The following SAFB2 variants were observed in gnomAD, a reference collection of about 807,000 sequenced individuals.
SAFB2 encodes scaffold attachment factor B2.
SAFB2 carries 32 observed loss-of-function variants against 100.6 expected under a neutral mutation model. The observed-to-expected ratio is 0.32, with a 90% confidence interval of 0.24 to 0.43. The LOEUF is 0.43. SAFB2 is among the 20% of genes least tolerant of loss of function. The probability of loss-of-function intolerance (pLI) is 1.00; values close to 1 mark genes in which losing one functional copy is unlikely to be tolerated. For synonymous variants in SAFB2, 500 were observed against 439.4 expected, an observed-to-expected ratio of 1.14 and a Z score of -1.72; for missense variants, 1,185 against 1,163.4, an observed-to-expected ratio of 1.02 and a Z score of -0.27.
chr19:5,600,558 T>C (rs1031315805), intron 11 of SAFB2, among the ~76,000 whole-genome samples: 8 of 152,202 alleles, frequency 5.3e-5, no homozygotes, highest in African/African-American at 1.9e-4. Context: ...CAGGTGGACA[T>C]GAGAAACACG....
intron 9 of SAFB2, among the ~76,000 whole-genome samples, chr19:5,609,300 CTTTTTTTTTTT>C: frequency 8.4e-6 from 1 of 118,864 alleles, no homozygotes; most frequent in South Asian, 2.9e-4. Flanking sequence ...TCACTTCATT[CTTTTTTTTTTT>C]TTTTTTTTTT....
chr19:5,602,841 T>C (rs2052692089), intron 11 of SAFB2, among the ~76,000 whole-genome samples: 1 of 152,126 alleles, frequency 6.6e-6, no homozygotes, highest in Admixed American at 6.6e-5. Flanking sequence ...AATACAGACA[T>C]TTTTTTCTTA....
At chr19:5,591,223 T>C (rs2052393110) in intron 17 of SAFB2, 1 of 152,808 alleles carries the variant, frequency 6.5e-6, no homozygotes, top group Non-Finnish European at 1.5e-5. Context: ...GCCCAACATA[T>C]TTGAAAATGA....
chr19:5,588,309 A>T (rs2052309430), intron 18 of SAFB2, among the ~76,000 whole-genome samples: 1 of 152,114 alleles, frequency 6.6e-6, no homozygotes, highest in Non-Finnish European at 1.5e-5. Context: ...TGCTGGTGGA[A>T]ATGTAAAATG....
At chr19:5,594,705 A>C (rs1356803073) in intron 14 of SAFB2, among the ~76,000 whole-genome samples, 1 of 152,144 alleles carries the variant, frequency 6.6e-6, no homozygotes, top group African/African-American at 2.4e-5. Context: ...GTCCAACATC[A>C]GAGGAGGGGC....
At chr19:5,593,375 C>G (rs1266703499) in intron 15 of SAFB2, among the ~76,000 whole-genome samples, 1 of 152,204 alleles carries the variant, frequency 6.6e-6, no homozygotes, top group Non-Finnish European at 1.5e-5. Flanking sequence ...TACCAGAAAA[C>G]TAGGCTCACG....
intron 6 of SAFB2, chr19:5,611,834 A>G: frequency 4.3e-6 from 3 of 704,594 alleles, no homozygotes; most frequent in East Asian, 5.5e-5. Context: ...TCTACGCTAC[A>G]CGGAAGAGAA....
chr19:5,600,646 G>A (rs889192164), intron 11 of SAFB2, among the ~76,000 whole-genome samples: 2 of 152,074 alleles, frequency 1.3e-5, no homozygotes, highest in Non-Finnish European at 1.5e-5. Context: ...AGCTTTATAG[G>A]GAAAAGCATT....
At chr19:5,601,043 G>A (rs969550950) in intron 11 of SAFB2, among the ~76,000 whole-genome samples, 17 of 152,108 alleles carry the variant, frequency 1.1e-4, no homozygotes, top group African/African-American at 3.9e-4. Flanking sequence ...TCCTCCAACC[G>A]ACCCAGGCAG....
At chr19:5,620,732 CAGA>C (rs2053122977) in intron 2 of SAFB2, among the ~76,000 whole-genome samples, 1 of 152,148 alleles carries the variant, frequency 6.6e-6, no homozygotes, top group African/African-American at 2.4e-5. Context: ...GATGAAAATC[CAGA>C]AGGAGACGGT....
Position 5,587,467 on chromosome 19 carries a change from A to G in SAFB2, c.2706-68T>C, listed in dbSNP as rs2052281136. 5 of 1,538,520 alleles carry G rather than the reference A, an allele frequency of 3.2e-6. No individual in the cohort carries two copies. The African/African-American group carries it at 4.1e-5, about 13-fold the overall frequency. On this transcript the variant is annotated intron_variant, in intron 20 of 20. Transcript: ENST00000252542. This position sits in a 1 kb window ranked among gnomAD's most constrained non-coding sequence, Gnocchi z 4.9. ...AGCGTTTTCATCGTAACATGGGTTC[A>G]GTAACGGTCCCGCAGCCTTTAGAGC...
At chr19:5,593,381 T>C (rs1301271501) in intron 15 of SAFB2, among the ~76,000 whole-genome samples, 1 of 152,176 alleles carries the variant, frequency 6.6e-6, no homozygotes, top group Non-Finnish European at 1.5e-5. Flanking sequence ...AAAACTAGGC[T>C]CACGGAGAGC....
At chr19:5,592,669 C>G (rs981342837) in intron 16 of SAFB2, 78 bp downstream of exon 16, 1 of 1,550,674 alleles carries the variant, frequency 6.4e-7, no homozygotes. Flanking sequence ...AACCCCTGCA[C>G]TGGGCTGAGA....
Position 5,621,481 on chromosome 19 carries a change from C to G in SAFB2, c.187-85G>C. On this transcript the variant is annotated intron_variant, in intron 1 of 20. Coordinates refer to ENST00000252542, the MANE Select transcript of SAFB2 (RefSeq NM_014649.3). ...TTACAAGTAACAACCTCCCATGAAA[C>G]AAAGGCAAACCCGTCCTTGCAAAGA... The G allele has an allele frequency of 4.4e-6, 4 of 905,024 alleles. No individual in the cohort carries two copies. The Admixed American group carries it at 6.9e-5, about 16-fold the overall frequency. 56.1% of individuals were successfully genotyped at this position (905,024 alleles called of 1,614,324 possible).
chr19:5,591,821 C>G (rs1351556472), intron 16 of SAFB2, 28 bp from the exon 17 acceptor site: 2 of 1,613,086 alleles, frequency 1.2e-6, no homozygotes, highest in Non-Finnish European at 8.5e-7. Context: ...CCCGTTCAAA[C>G]AGCACCAGGC....
intron 2 of SAFB2, among the ~76,000 whole-genome samples, chr19:5,616,984 G>A (rs921883456): frequency 6.6e-6 from 1 of 152,004 alleles, no homozygotes; most frequent in African/African-American, 2.4e-5. Context: ...TCAACAGGGA[G>A]ATGAAAATCT....
chr19:5,589,279 C>T (rs982578381), intron 18 of SAFB2, among the ~76,000 whole-genome samples: 1 of 152,192 alleles, frequency 6.6e-6, no homozygotes, highest in Non-Finnish European at 1.5e-5. Flanking sequence ...TGAAGTCTCA[C>T]AGGAGAGAAC....
At chr19:5,588,102 T>C in intron 18 of SAFB2, 122 bp from the exon 19 acceptor site, 1 of 813,894 alleles carries the variant, frequency 1.2e-6, no homozygotes, top group East Asian at 2.9e-5. Context: ...GGGCTGCATG[T>C]CAAGTGGGCA....
rs755827179 is a variant in SAFB2 at position 5,594,056 on chromosome 19, C to T, written c.2042G>A (p.Arg681His). ...ECQRQRLERE[R>H]MERERLERER... Reference sequence around the variant, plus strand: ...GCGCTCCAGCCGCTCCCGCTCCATGCGCTCCCGCTCCAGCCGCTGGCGCTG... The same window carrying T: ...GCGCTCCAGCCGCTCCCGCTCCATGTGCTCCCGCTCCAGCCGCTGGCGCTG... Residue 681 changes from arginine to histidine, a missense_variant, in exon 15 of 21, where the codon CGC (arginine) becomes CAC (histidine). This residue lies in a region of SAFB2 where 740 missense variants were observed against 687.1 expected (regional missense o/e 1.08). Coordinates refer to ENST00000252542, the MANE Select transcript of SAFB2 (RefSeq NM_014649.3). 9 of 1,586,430 alleles carry T rather than the reference C, an allele frequency of 5.7e-6. No homozygotes were observed. Among genetic ancestry groups the T allele is most frequent in the South Asian group, 1.1e-5 (1 of 88,824 alleles).
Sources: allele counts gnomAD v4.1 joint callset (sites outside exome capture counted in the v4.1 genomes callset), GRCh38; gene constraint gnomAD v4.1.1; regional missense constraint gnomAD v4.1.1; non-coding constraint Gnocchi (gnomAD v3.1); transcripts MANE v1.5; gene names NCBI Gene and HGNC (gene_info 2026-07-23, HGNC 2026-07-21).